PRDM16: variants seen among roughly 807,000 people sequenced by gnomAD.
PRDM16 encodes the protein PR/SET domain 16.
Under a neutral mutation model 110.6 loss-of-function variants are expected in PRDM16, and 23 were observed. That is an observed-to-expected ratio of 0.21 (90% confidence interval 0.15 to 0.29). The LOEUF (loss-of-function observed/expected upper bound fraction) is 0.29, where lower values mean the gene tolerates loss of function less well. Among genes scored for constraint, PRDM16 ranks in the 10% least tolerant of loss-of-function variants. The pLI, the probability that PRDM16 is intolerant of heterozygous loss-of-function variation, is 1.00. For missense variants in PRDM16, 1,615 were observed against 1,794.3 expected, an observed-to-expected ratio of 0.90 and a Z score of 1.81; for synonymous variants, 799 against 781.8, an observed-to-expected ratio of 1.02 and a Z score of -0.37.
chr1:3,251,279 A>G (rs1181406748), intron 3 of PRDM16, among the ~76,000 whole-genome samples: 1 of 142,698 alleles, frequency 7.0e-6, no homozygotes, highest in East Asian at 2.1e-4. Context: ...AATGGGAGAT[A>G]ATGAGTCTCA....
At chr1:3,095,952 G>A (rs893955983) in intron 1 of PRDM16, among the ~76,000 whole-genome samples, 22 of 152,176 alleles carry the variant, frequency 1.4e-4, no homozygotes, top group African/African-American at 1.7e-4. Context: ...CCAGTGGAAC[G>A]TCACACTCCC....
chr1:3,188,193 CTG>C (rs1382544065), intron 2 of PRDM16, among the ~76,000 whole-genome samples: 2 of 152,220 alleles, frequency 1.3e-5, no homozygotes, highest in African/African-American at 2.4e-5. Flanking sequence ...CTGTCCCTCC[CTG>C]CCTGGTGTGT....
intron 3 of PRDM16, among the ~76,000 whole-genome samples, chr1:3,271,968 C>T (rs1640466237): frequency 6.6e-6 from 1 of 152,222 alleles, no homozygotes; most frequent in South Asian, 2.1e-4. Flanking sequence ...CTGGGACACA[C>T]AGAATGAGAC....
intron 1 of PRDM16, among the ~76,000 whole-genome samples, chr1:3,094,105 C>A (rs893722692): frequency 6.6e-6 from 1 of 152,168 alleles, no homozygotes; most frequent in Non-Finnish European, 1.5e-5. Context: ...TGCTGGTGAC[C>A]CAGAAACAAA....
chr1:3,151,787 A>G (rs1388885583), intron 1 of PRDM16, among the ~76,000 whole-genome samples: 2 of 152,228 alleles, frequency 1.3e-5, no homozygotes, highest in Non-Finnish European at 2.9e-5. Flanking sequence ...AGAGAGCCCA[A>G]CTGTGGGCCG....
At chr1:3,109,030 C>T (rs1642727035) in intron 1 of PRDM16, among the ~76,000 whole-genome samples, 1 of 151,510 alleles carries the variant, frequency 6.6e-6, no homozygotes, top group South Asian at 2.1e-4. Context: ...TGCAGTGAGC[C>T]AAGATTGCAC....
In PRDM16 at chr1:3,359,588, G is replaced by A. The variant is rs902926165; in HGVS notation, c.439-25564G>A. 1.3e-5 allele frequency among the ~76,000 whole-genome samples: 2 copies of A among 152,146 alleles called. No individual in the cohort carries two copies. The highest frequency in any genetic ancestry group is 2.9e-5 in the Non-Finnish European group (2 of 68,016). On this transcript the variant is annotated intron_variant, in intron 3 of 16. Coordinates refer to ENST00000270722, the MANE Select transcript of PRDM16 (RefSeq NM_022114.4). The surrounding 1 kb of genome is among the most constrained non-coding windows in gnomAD (Gnocchi z 4.3). The stretch of plus-strand genomic sequence containing the variant: ...GCAGCTACTCCAGGCTCGGGTTTCA[G>A]CCTCCCCTCCACCTGTCACCGTTGT...
intron 4 of PRDM16, chr1:3,394,585 C>T: frequency 2.7e-6 from 1 of 374,248 alleles, no homozygotes; most frequent in Non-Finnish European, 5.5e-6. Context: ...CTCGAGAAGC[C>T]TCAGCCTCGC....
At chr1:3,403,139 T>G in intron 6 of PRDM16, 141 bp downstream of exon 6, 1 of 785,134 alleles carries the variant, frequency 1.3e-6, no homozygotes, top group Non-Finnish European at 2.1e-6. Context: ...AAGGGCCCCC[T>G]GGTGGGACAC....
In PRDM16 at chr1:3,087,281, C is replaced by A. The variant is rs145152559; in HGVS notation, c.37+17985C>A. ...ACCTGAGACCAGCCCCACCTGAGGC[C>A]AGCCCCACCTGAGACCAGCCAGGGC... On this transcript the variant is annotated intron_variant, in intron 1 of 16. Coordinates refer to ENST00000270722, the MANE Select transcript of PRDM16 (RefSeq NM_022114.4). Among the ~76,000 whole-genome samples, 655 of 151,948 alleles carry A rather than the reference C, an allele frequency of 4.3e-3. 5 individuals carry two copies. The highest frequency in any genetic ancestry group is 0.024 in the Middle Eastern group (7 of 294).
chr1:3,326,294 AAAGACAC>A (rs1391241433), intron 3 of PRDM16, among the ~76,000 whole-genome samples: 1 of 152,226 alleles, frequency 6.6e-6, no homozygotes, highest in Admixed American at 6.5e-5. Flanking sequence ...GTCTTCTTAT[AAAGACAC>A]CCTACTTCCT....
chr1:3,154,214 T>C (rs1163815476), intron 1 of PRDM16, among the ~76,000 whole-genome samples: 1 of 152,024 alleles, frequency 6.6e-6, no homozygotes, highest in African/African-American at 2.4e-5. Context: ...GCCATGGAGA[T>C]CCACCACCGT....
At chr1:3,217,693 G>T (rs1557536362) in intron 2 of PRDM16, among the ~76,000 whole-genome samples, 1 of 152,310 alleles carries the variant, frequency 6.6e-6, no homozygotes, top group East Asian at 1.9e-4. Context: ...CTGGGGCCAG[G>T]TCCCCGTGCC....
intron 1 of PRDM16, among the ~76,000 whole-genome samples, chr1:3,101,330 G>T (rs1318242155): frequency 1.3e-5 from 2 of 152,218 alleles, no homozygotes; most frequent in African/African-American, 4.8e-5. Flanking sequence ...GTCTAGGGGA[G>T]ATTAAAGCCC....
intron 3 of PRDM16, among the ~76,000 whole-genome samples, chr1:3,257,157 C>T (rs919048766): frequency 1.5e-4 from 23 of 152,168 alleles, no homozygotes; most frequent in African/African-American, 4.1e-4. Context: ...CCTGGCAGGC[C>T]GCGGAGGGCT....
At chr1:3,284,717 G>A (rs1640807632) in intron 3 of PRDM16, among the ~76,000 whole-genome samples, 1 of 152,236 alleles carries the variant, frequency 6.6e-6, no homozygotes, top group Admixed American at 6.5e-5. Context: ...CAGAGAGGAG[G>A]ATAAGGGGTG....
rs552684760 is a variant in PRDM16 at position 3,104,873 on chromosome 1, C to G, written c.37+35577C>G. 1.6e-4 allele frequency among the ~76,000 whole-genome samples: 25 copies of G among 152,308 alleles called. No homozygotes were observed. In the East Asian group the frequency reaches 4.8e-3, roughly 29 times the overall value. On this transcript the variant is annotated intron_variant, in intron 1 of 16. Coordinates refer to ENST00000270722, the MANE Select transcript of PRDM16 (RefSeq NM_022114.4). Reference sequence around the variant, plus strand: ...TGGTACCCAGTGGCCACTTCATGAACGCTCACTGAACACATGCATGAGAGG... The same window carrying G: ...TGGTACCCAGTGGCCACTTCATGAAGGCTCACTGAACACATGCATGAGAGG...
intron 3 of PRDM16, among the ~76,000 whole-genome samples, chr1:3,362,754 T>A (rs1642739929): frequency 6.6e-6 from 1 of 152,072 alleles, no homozygotes; most frequent in African/African-American, 2.4e-5. Context: ...CCTCACAACC[T>A]CACAGATCCT....
At chr1:3,388,347 C>T (rs1378201350) in intron 4 of PRDM16, among the ~76,000 whole-genome samples, 1 of 152,144 alleles carries the variant, frequency 6.6e-6, no homozygotes, top group African/African-American at 2.4e-5. Flanking sequence ...ACACCCCCAC[C>T]TCTAATACAG....
Sources: gnomAD v4.1 joint callset for allele counts (sites outside exome capture counted in the v4.1 genomes callset) on GRCh38, gnomAD v4.1.1 for gene constraint, Gnocchi (gnomAD v3.1) non-coding constraint, MANE v1.5 for transcripts, NCBI Gene and HGNC (gene_info 2026-07-23, HGNC 2026-07-21) for gene names.